RND3: variants seen among roughly 807,000 people sequenced by gnomAD.
The protein encoded by RND3 is Rho family GTPase 3, also known as rho-related GTP-binding protein RhoE.
RND3 carries 8 observed loss-of-function variants against 26.5 expected under a neutral mutation model. The ratio of observed to expected loss-of-function variants is 0.30; its 90% CI spans 0.18 to 0.54. The LOEUF is 0.54. Ranked by LOEUF, RND3 falls within the 20% of genes least tolerant of loss-of-function variation. The probability of loss-of-function intolerance (pLI) is 0.94; values close to 1 mark genes in which losing one functional copy is unlikely to be tolerated. For missense variants in RND3, 207 were observed against 302.8 expected (o/e 0.68, Z 2.35); for synonymous variants, 113 against 113.0 (o/e 1.00, Z 0.00).
chr2:150,484,931 G>A (rs181489725), intron 3 of RND3, among the ~76,000 whole-genome samples: 2 of 152,276 alleles, frequency 1.3e-5, no homozygotes, highest in South Asian at 2.1e-4. Flanking sequence ...GAGTACTGGT[G>A]CTTATTATCG....
chr2:150,471,529 T>C lies in RND3; in HGVS notation c.483+98A>G, dbSNP rs75090836. 1.7e-3 allele frequency: 1,762 copies of C among 1,044,034 alleles called. 25 individuals are homozygous for C. The African/African-American group carries it at 0.025, about 15-fold the overall frequency. 64.7% of individuals were successfully genotyped at this position (1,044,034 alleles called of 1,614,324 possible). On this transcript the variant is annotated intron_variant, in intron 5 of 5. Transcript: ENST00000263895. ...CACAACTGACCACTGGGTGAGCCTT[T>C]AGAAAAGCAGCTACTTTTTATTTTA...
chr2:150,475,148 C>T, intron 3 of RND3, 164 bp from the exon 4 acceptor site: 1 of 552,432 alleles, frequency 1.8e-6, no homozygotes, highest in South Asian at 2.1e-5. Context: ...CAAAAGCCTG[C>T]TTAGAAATAT....
At chr2:150,483,024 G>A (rs543540262) in intron 3 of RND3, among the ~76,000 whole-genome samples, 62 of 152,012 alleles carry the variant, frequency 4.1e-4, no homozygotes, top group South Asian at 2.7e-3. Context: ...TAGTGGATGC[G>A]GGAAAAAAGG....
chr2:150,485,121 C>G (rs2105223981), intron 3 of RND3, among the ~76,000 whole-genome samples: 1 of 152,306 alleles, frequency 6.6e-6, no homozygotes, highest in South Asian at 2.1e-4. Context: ...GTGTACCATC[C>G]CCAACAGAAA....
In RND3 at chr2:150,471,770, GAAA is replaced by G. The variant is rs11338446; in HGVS notation, c.349-12_349-10del. On this transcript the variant is annotated splice_polypyrimidine_tract_variant and intron_variant, in intron 4 of 5. Transcript: ENST00000263895. ...TGGATTTCACCTTTCCACTATGAAA[GAAA>G]AAAAAAAAAGATTAAAAATGAACAA... 27 of 1,099,730 alleles carry G rather than the reference GAAA, an allele frequency of 2.5e-5. No homozygotes were observed. The highest frequency in any genetic ancestry group is 3.2e-5 in the African/African-American group (2 of 63,184). 68.1% of individuals were successfully genotyped at this position (1,099,730 alleles called of 1,614,324 possible). A position where few individuals can be genotyped will look rare whatever the true frequency, so the allele number is the denominator to read the frequency against.
Position 150,469,979 on chromosome 2 carries a change from T to C in RND3, c.*8A>G. 6.2e-7 allele frequency: 1 copy of C among 1,612,562 alleles called. No homozygotes were observed. Among genetic ancestry groups the C allele is most frequent in the Non-Finnish European group, 8.5e-7 (1 of 1,179,012 alleles). On this transcript the variant is annotated 3_prime_UTR_variant, in exon 6 of 6. Transcript: ENST00000263895. Reference sequence around the variant, plus strand: ...ATTCCTTTGTCTTCATTAAAGATAATGAAAGATTCACATCACAGTGCAGCT... The same window carrying C: ...ATTCCTTTGTCTTCATTAAAGATAACGAAAGATTCACATCACAGTGCAGCT...
At chr2:150,487,203 C>T in intron 2 of RND3, 65 bp downstream of exon 2, 3 of 1,226,570 alleles carry the variant, frequency 2.4e-6, no homozygotes, top group Admixed American at 5.5e-5. Flanking sequence ...AGCGGGGAGG[C>T]CCACCTCGGG....
chr2:150,483,979 C>T (rs563421014), intron 3 of RND3, among the ~76,000 whole-genome samples: 15 of 152,218 alleles, frequency 9.9e-5, no homozygotes, highest in African/African-American at 3.4e-4. Flanking sequence ...GTTAAACATA[C>T]ATAAGTTTTG....
chr2:150,479,480 T>C (rs140459500), intron 3 of RND3, among the ~76,000 whole-genome samples: 291 of 152,334 alleles, frequency 1.9e-3, no homozygotes, highest in African/African-American at 6.7e-3. Flanking sequence ...TTTATTTAAC[T>C]TGAACCTTCA....
chr2:150,472,627 T>G (rs548421926), intron 4 of RND3, among the ~76,000 whole-genome samples: 1 of 152,222 alleles, frequency 6.6e-6, no homozygotes. Flanking sequence ...ACAGGAGATC[T>G]TTGGCCTTTG....
In RND3 at chr2:150,470,203, A is replaced by G. The variant is rs748629841; in HGVS notation, c.519T>C (p.Thr173=). 1 of 1,613,974 alleles carries G rather than the reference A, an allele frequency of 6.2e-7. No homozygotes were observed. The highest frequency in any genetic ancestry group is 8.5e-7 in the Non-Finnish European group (1 of 1,179,906). ...ACTGTAAAGCTGAGCATTCGATATAAGTAGCTGCTCCAATCTGTTTGGCCA... is the reference window on the plus strand; with the variant it reads ...ACTGTAAAGCTGAGCATTCGATATAGGTAGCTGCTCCAATCTGTTTGGCCA... ...ANMAKQIGAA[T]YIECSALQSE... is the part of the protein sequence containing the mutation. Residue 173 remains threonine, a synonymous_variant, in exon 6 of 6, where the codon ACT becomes ACC. Coordinates refer to ENST00000263895, the MANE Select transcript of RND3 (RefSeq NM_005168.5).
intron 3 of RND3, among the ~76,000 whole-genome samples, chr2:150,480,724 A>G (rs1037908074): frequency 2.0e-5 from 3 of 151,944 alleles, no homozygotes; most frequent in African/African-American, 4.8e-5. Flanking sequence ...TCCCCTTTTT[A>G]GGAGGTTCCT....
At chr2:150,477,837 A>G (rs1686192706) in intron 3 of RND3, among the ~76,000 whole-genome samples, 1 of 152,142 alleles carries the variant, frequency 6.6e-6, no homozygotes. Flanking sequence ...TAGACAGGTA[A>G]TTTTTAAGAG....
At chr2:150,472,348 C>G (rs530905724) in intron 4 of RND3, among the ~76,000 whole-genome samples, 1 of 152,316 alleles carries the variant, frequency 6.6e-6, no homozygotes, top group East Asian at 1.9e-4. Flanking sequence ...CAACACAGAC[C>G]ATGACATTTG....
chr2:150,481,743 G>GGA (rs960515942), intron 3 of RND3, among the ~76,000 whole-genome samples: 1 of 151,874 alleles, frequency 6.6e-6, no homozygotes, highest in Non-Finnish European at 1.5e-5. Context: ...AAGGGGAGGG[G>GGA]GAGAGAGAGA....
intron 3 of RND3, among the ~76,000 whole-genome samples, chr2:150,481,590 G>T (rs1365288897): frequency 6.6e-6 from 1 of 152,092 alleles, no homozygotes; most frequent in Non-Finnish European, 1.5e-5. Context: ...GGCAGAAGCT[G>T]CTCTCACCCA....
Position 150,468,557 on chromosome 2 carries a change from G to T in RND3, c.*1430C>A, listed in dbSNP as rs939896659. 1.3e-5 allele frequency: 2 copies of T among 152,544 alleles called. No individual in the cohort carries two copies. The highest frequency in any genetic ancestry group is 4.8e-5 in the African/African-American group (2 of 41,410). The allele number at this position is 152,544 out of a possible 1,614,324, so 9.4% of individuals were successfully genotyped here. The stretch of plus-strand genomic sequence containing the variant: ...TGTTGTAATTACCTTAATCTCTCCT[G>T]CCACGATTTAAGGGGAGCACAGCTT... On this transcript the variant is annotated 3_prime_UTR_variant, in exon 6 of 6. Transcript: ENST00000263895.
chr2:150,481,757 G>A (rs1686275450), intron 3 of RND3, among the ~76,000 whole-genome samples: 1 of 152,072 alleles, frequency 6.6e-6, no homozygotes, highest in South Asian at 2.1e-4. Flanking sequence ...AGAGAGAGCA[G>A]TGATCCCCTT....
intron 4 of RND3, among the ~76,000 whole-genome samples, chr2:150,474,634 A>C (rs562541092): frequency 2.2e-4 from 34 of 152,232 alleles, no homozygotes; most frequent in Admixed American, 4.6e-4. Flanking sequence ...TTTCTCCCAA[A>C]GGACAAACAT....
Sources: gnomAD v4.1 joint callset for allele counts (sites outside exome capture counted in the v4.1 genomes callset) on GRCh38, gnomAD v4.1.1 for gene constraint, MANE v1.5 for transcripts, NCBI Gene and HGNC (gene_info 2026-07-23, HGNC 2026-07-21) for gene names.